Variants in COL6A6 observed in about 807,000 individuals in gnomAD.
COL6A6 encodes the protein collagen type VI alpha 6 chain, also known as collagen alpha-6(VI) chain.
In COL6A6, 183 loss-of-function variants were observed where a neutral mutation model predicts 208.6. The ratio of observed to expected loss-of-function variants is 0.88; its 90% CI spans 0.78 to 0.99. The LOEUF (loss-of-function observed/expected upper bound fraction) is 0.99, where lower values mean the gene tolerates loss of function less well. Among genes scored for constraint, COL6A6 ranks in the 50% least tolerant of loss-of-function variants. The pLI is 0.00. For synonymous variants in COL6A6, 973 were observed against 1,011.8 expected (o/e 0.96, Z 0.73); for missense variants, 2,816 against 2,815.2 (o/e 1.00, Z -0.01).
intron 26 of COL6A6, among the ~76,000 whole-genome samples, chr3:130,628,837 C>A: frequency 1.2e-5 from 1 of 82,918 alleles, no homozygotes; most frequent in Non-Finnish European, 2.0e-5. Context: ...GCTGAGGGTC[C>A]TGTCTGTTAG....
At chr3:130,581,961 C>T (rs375687890) in intron 9 of COL6A6, 29 bp from the exon 10 acceptor site, 7 of 1,592,478 alleles carry the variant, frequency 4.4e-6, no homozygotes, top group African/African-American at 2.7e-5. Flanking sequence ...CTTTTTAATT[C>T]ATTTTACTTT....
At chr3:130,564,474 G>A (rs1044322283) in intron 3 of COL6A6, among the ~76,000 whole-genome samples, 2 of 152,216 alleles carry the variant, frequency 1.3e-5, no homozygotes, top group African/African-American at 2.4e-5. Flanking sequence ...CAGTTTGAAT[G>A]AGCTGATATA....
intron 34 of COL6A6, among the ~76,000 whole-genome samples, chr3:130,661,331 A>G (rs1043851768): frequency 6.6e-6 from 1 of 152,194 alleles, no homozygotes; most frequent in African/African-American, 2.4e-5. Flanking sequence ...CACGAGGCCA[A>G]TCGTCCACTT....
At chr3:130,624,461 C>T (rs2064827167) in intron 24 of COL6A6, among the ~76,000 whole-genome samples, 1 of 152,166 alleles carries the variant, frequency 6.6e-6, no homozygotes, top group African/African-American at 2.4e-5. Context: ...AAGAAGTCAA[C>T]TGCAAAAGGA....
Position 130,661,791 on chromosome 3 carries a change from T to G in COL6A6, c.5985T>G (p.Phe1995Leu). ...RAFLGALLDH[F>L]EITPEPETSV... is the part of the protein sequence containing the mutation. Reference sequence around the variant, plus strand: ...TCCTTGGAGCACTATTAGATCACTTTGAAATCACCCCAGAGCCGGAGACTT... The same window carrying G: ...TCCTTGGAGCACTATTAGATCACTTGGAAATCACCCCAGAGCCGGAGACTT... Residue 1995 changes from phenylalanine (F) to leucine (L), a missense_variant, in exon 35 of 37, where the codon TTT (phenylalanine) becomes TTG (leucine). Transcript: ENST00000358511. 1 of 1,613,922 alleles carries G rather than the reference T, an allele frequency of 6.2e-7. No individual in the cohort carries two copies. Among genetic ancestry groups the G allele is most frequent in the Non-Finnish European group, 8.5e-7 (1 of 1,179,870 alleles).
intron 12 of COL6A6, among the ~76,000 whole-genome samples, chr3:130,590,598 C>T (rs1206155954): frequency 1.3e-4 from 19 of 151,492 alleles, no homozygotes; most frequent in Admixed American, 9.9e-4. Flanking sequence ...GACGGAGTCT[C>T]GCTCTGCCGC....
chr3:130,553,582 G>A (rs1394268264), intron 1 of COL6A6, among the ~76,000 whole-genome samples: 1 of 150,660 alleles, frequency 6.6e-6, no homozygotes, highest in African/African-American at 2.4e-5. Flanking sequence ...CCTTGGATTT[G>A]ATTTTGACTC....
At chr3:130,668,997 T>C (rs529133163) in intron 36 of COL6A6, among the ~76,000 whole-genome samples, 8 of 152,314 alleles carry the variant, frequency 5.3e-5, no homozygotes, top group African/African-American at 1.4e-4. Flanking sequence ...TTATAAGTGT[T>C]CCTTGTGCAA....
At chr3:130,572,034 T>G (rs546073681) in intron 7 of COL6A6, among the ~76,000 whole-genome samples, 28 of 152,206 alleles carry the variant, frequency 1.8e-4, no homozygotes, top group Non-Finnish European at 3.2e-4. Flanking sequence ...TGCTTACACA[T>G]TTTTCCACCC....
chr3:130,641,756 TAA>T (rs746800180), intron 29 of COL6A6, 42 bp downstream of exon 29: 1,162 of 978,826 alleles, frequency 1.2e-3, no homozygotes, highest in South Asian at 2.5e-3. Flanking sequence ...CCTTTTCCAT[TAA>T]AAAAAAAAAA....
At chr3:130,524,075 G>A (rs2061905477) in intron 1 of COL6A6, among the ~76,000 whole-genome samples, 1 of 152,110 alleles carries the variant, frequency 6.6e-6, no homozygotes, top group Admixed American at 6.5e-5. Context: ...TTGAGCCTCC[G>A]GGGAACTGTC....
At position 130,649,225 on chromosome 3, in the gene COL6A6, A is replaced by T; in HGVS notation, c.5396A>T (p.His1799Leu). ...GAGAACAGCTGCCCCGTGGGAGCGC[A>T]CATCGCCATCCTCTCCTATAACTCC... is the stretch of plus-strand genomic sequence containing the variant. ...VRENSCPVGA[H>L]IAILSYNSHA... The change falls in exon 33 of 37, where the codon CAC becomes CTC. Residue 1799 changes from histidine (H) to leucine (L), a missense_variant. Transcript: ENST00000358511. 1.3e-6 allele frequency: 2 copies of T among 1,589,408 alleles called. No individual in the cohort carries two copies. Among genetic ancestry groups the T allele is most frequent in the Non-Finnish European group, 1.7e-6 (2 of 1,168,114 alleles).
intron 23 of COL6A6, among the ~76,000 whole-genome samples, 158 bp downstream of exon 23, chr3:130,610,869 C>T (rs1209811306): frequency 6.6e-6 from 1 of 152,112 alleles, no homozygotes; most frequent in South Asian, 2.1e-4. Flanking sequence ...ACATCATGGT[C>T]CCCATCTTGC....
At chr3:130,568,015 C>T in intron 5 of COL6A6, 32 bp from the exon 6 acceptor site, 1 of 1,546,620 alleles carries the variant, frequency 6.5e-7, no homozygotes, top group Non-Finnish European at 8.7e-7. Context: ...ATGTAGCTGA[C>T]TTGAATAAAC....
chr3:130,590,631 G>A (rs576015145), intron 12 of COL6A6, among the ~76,000 whole-genome samples: 26 of 151,756 alleles, frequency 1.7e-4, no homozygotes, highest in African/African-American at 5.8e-4. Flanking sequence ...GCAGTGGTGC[G>A]ATCTCGGCTC....
Position 130,642,814 on chromosome 3 carries a change from TTTTG to T in COL6A6, c.5155-10_5155-7del, listed in dbSNP as rs778161809. The stretch of plus-strand genomic sequence containing the variant: ...TATGTCTAGAGGCATTAAAACAATG[TTTTG>T]TTTGTTTTCCTAGGGTGTGAAAGGA... On this transcript the variant is annotated splice_polypyrimidine_tract_variant and intron_variant, in intron 29 of 36. Coordinates refer to ENST00000358511, the MANE Select transcript of COL6A6 (RefSeq NM_001102608.3). 1.9e-6 allele frequency: 3 copies of T among 1,609,308 alleles called. No homozygotes were observed. The highest frequency in any genetic ancestry group is 1.1e-5 in the South Asian group (1 of 90,918).
chr3:130,656,297 G>C (rs1327675163), intron 33 of COL6A6, among the ~76,000 whole-genome samples: 6 of 152,356 alleles, frequency 3.9e-5, no homozygotes, highest in African/African-American at 1.2e-4. Flanking sequence ...ACACAGACAA[G>C]TGGAGGGTGA....
chr3:130,556,910 AG>A (rs1282972886), intron 1 of COL6A6, among the ~76,000 whole-genome samples: 1 of 152,194 alleles, frequency 6.6e-6, no homozygotes, highest in East Asian at 1.9e-4. Context: ...AGTTTTCTCC[AG>A]GGGATGGTTT....
intron 1 of COL6A6, among the ~76,000 whole-genome samples, chr3:130,558,557 T>C (rs1260309454): frequency 2.0e-5 from 3 of 152,224 alleles, no homozygotes; most frequent in African/African-American, 4.8e-5. Context: ...TTTGGGACTA[T>C]TGTAGCCTTT....
Sources: allele counts gnomAD v4.1 joint callset (sites outside exome capture counted in the v4.1 genomes callset), GRCh38; gene constraint gnomAD v4.1.1; transcripts MANE v1.5; gene names NCBI Gene and HGNC (gene_info 2026-07-23, HGNC 2026-07-21).